PLAC1: variants seen among roughly 807,000 people sequenced by gnomAD.
PLAC1 encodes the protein placenta associated 1.
For missense variants in PLAC1, 136 were observed against 163.2 expected, an observed-to-expected ratio of 0.83 and a Z score of 0.91; for synonymous variants, 68 against 62.1, an observed-to-expected ratio of 1.09 and a Z score of -0.44.
intron 2 of PLAC1, among the ~76,000 whole-genome samples, chrX:134,728,838 C>A (rs2147841969): frequency 8.9e-6 from 1 of 111,902 alleles, no homozygotes; most frequent in East Asian, 2.8e-4. Context: ...GATGGGCACA[C>A]AATGTATAAA....
At chrX:134,694,259 T>C (rs1240328668) in intron 2 of PLAC1, among the ~76,000 whole-genome samples, 1 of 111,680 alleles carries the variant, frequency 9.0e-6, no homozygotes, top group Non-Finnish European at 1.9e-5. Context: ...TATCAAAAAT[T>C]ATTCATTAGA....
At chrX:134,669,294 G>A (rs2078447193) in intron 2 of PLAC1, among the ~76,000 whole-genome samples, 2 of 111,944 alleles carry the variant, frequency 1.8e-5, no homozygotes, top group African/African-American at 6.5e-5. Context: ...ATATATTTTG[G>A]AGCCAGAAAG....
At chrX:134,750,477 C>A (rs2078738409) in intron 1 of PLAC1, among the ~76,000 whole-genome samples, 1 of 109,799 alleles carries the variant, frequency 9.1e-6, no homozygotes, top group Admixed American at 9.9e-5. Context: ...TCTGAACTCC[C>A]CTAGCTATTG....
chrX:134,600,535 G>A (rs992491978), intron 2 of PLAC1, among the ~76,000 whole-genome samples: 1 of 110,790 alleles, frequency 9.0e-6, no homozygotes, highest in South Asian at 3.8e-4. Flanking sequence ...GACCACTGCC[G>A]TAACCATCCA....
At chrX:134,756,842 C>A (rs2078758726) in intron 1 of PLAC1, among the ~76,000 whole-genome samples, 1 of 107,251 alleles carries the variant, frequency 9.3e-6, no homozygotes, top group Non-Finnish European at 1.9e-5. Context: ...GAGCAAGACT[C>A]CGTCTCAAAA....
At chrX:134,671,657 G>A (rs1330342070) in intron 2 of PLAC1, among the ~76,000 whole-genome samples, 4 of 110,381 alleles carry the variant, frequency 3.6e-5, no homozygotes, top group Non-Finnish European at 7.6e-5. Context: ...ATCAGACCTC[G>A]TGAGAACTCA....
At chrX:134,578,426 A>G (rs921688566) in intron 2 of PLAC1, among the ~76,000 whole-genome samples, 1 of 22,388 alleles carries the variant, frequency 4.5e-5, no homozygotes, top group Non-Finnish European at 1.2e-4. Flanking sequence ...AAAAAAAAAA[A>G]AAAGAAAAGA....
At chrX:134,654,109 A>G (rs1052378254) in intron 1 of PLAC1, among the ~76,000 whole-genome samples, 1 of 111,944 alleles carries the variant, frequency 8.9e-6, no homozygotes, top group African/African-American at 3.2e-5. Context: ...AAGAGGAGGC[A>G]ATCATCTCTG....
chrX:134,616,720 T>C (rs945072050), intron 1 of PLAC1, among the ~76,000 whole-genome samples: 9 of 111,842 alleles, frequency 8.0e-5, no homozygotes, highest in Non-Finnish European at 1.9e-5. Flanking sequence ...TAGAATTGTT[T>C]TTCTCTTTCT....
chrX:134,682,079 G>A (rs908633578), intron 2 of PLAC1, among the ~76,000 whole-genome samples: 6 of 111,897 alleles, frequency 5.4e-5, no homozygotes, highest in Non-Finnish European at 1.1e-4. Flanking sequence ...AAATTGAGCC[G>A]ATACCACCAT....
chrX:134,732,858 C>A (rs1890602121), intron 2 of PLAC1, among the ~76,000 whole-genome samples: 2 of 111,930 alleles, frequency 1.8e-5, no homozygotes, highest in South Asian at 7.5e-4. Context: ...GGGAGGTAGT[C>A]AGAGAAGCCA....
chrX:134,724,208 T>C (rs961590925), intron 2 of PLAC1, among the ~76,000 whole-genome samples: 1 of 112,371 alleles, frequency 8.9e-6, no homozygotes, highest in African/African-American at 3.2e-5. Context: ...GTGAATAAAC[T>C]ATGGTTTAGT....
chrX:134,587,033 G>A lies in PLAC1; in HGVS notation c.-59+15018C>T, dbSNP rs139623642. ...TTTATGGAGTACTAACAACATGCCA[G>A]GCACTGCACTTAGGGCTTTGTGAGC... On this transcript the variant is annotated intron_variant, in intron 2 of 2. Transcript: ENST00000359237. 5.0e-3 allele frequency among the ~76,000 whole-genome samples: 554 copies of A among 110,767 alleles called. 2 individuals are homozygous for A. The highest frequency in any genetic ancestry group is 8.7e-3 in the Non-Finnish European group (461 of 52,931).
At chrX:134,715,706 C>T (rs778679077) in intron 2 of PLAC1, among the ~76,000 whole-genome samples, 46 of 111,755 alleles carry the variant, frequency 4.1e-4, no homozygotes, top group African/African-American at 1.5e-3. Flanking sequence ...CAGAGAAGCC[C>T]GGCATTTTGA....
intron 1 of PLAC1, among the ~76,000 whole-genome samples, chrX:134,618,258 C>T (rs2078194277): frequency 8.9e-6 from 1 of 112,110 alleles, no homozygotes; most frequent in South Asian, 3.7e-4. Context: ...TGAGCATGGC[C>T]CCGGGCAGCA....
chrX:134,645,716 A>G (rs752106862), intron 1 of PLAC1, among the ~76,000 whole-genome samples: 6 of 112,053 alleles, frequency 5.4e-5, no homozygotes, highest in African/African-American at 1.9e-4. Flanking sequence ...ATAGCTAAAT[A>G]TATAGGAATT....
At chrX:134,692,224 C>T (rs775610362) in intron 2 of PLAC1, among the ~76,000 whole-genome samples, 1 of 111,669 alleles carries the variant, frequency 9.0e-6, no homozygotes, top group East Asian at 2.8e-4. Flanking sequence ...TGGTCTTGAC[C>T]TCAGGTTAGA....
intron 2 of PLAC1, among the ~76,000 whole-genome samples, chrX:134,664,822 A>G (rs1330397781): frequency 8.9e-6 from 1 of 112,138 alleles, no homozygotes; most frequent in Non-Finnish European, 1.9e-5. Flanking sequence ...AAGTAGAGCC[A>G]AGAGGGCTAG....
chrX:134,719,664 C>A (rs1246942200), intron 2 of PLAC1, among the ~76,000 whole-genome samples: 1 of 110,971 alleles, frequency 9.0e-6, no homozygotes, highest in African/African-American at 3.3e-5. Flanking sequence ...GTGATGGGAG[C>A]CTGTAATCCC....
Sources: gnomAD v4.1 joint callset for allele counts (sites outside exome capture counted in the v4.1 genomes callset) on GRCh38, gnomAD v4.1.1 for gene constraint, MANE v1.5 for transcripts, NCBI Gene and HGNC (gene_info 2026-07-23, HGNC 2026-07-21) for gene names.